The following ANHX variants were observed in gnomAD, a reference collection of about 807,000 sequenced individuals.
The protein encoded by ANHX is anomalous homeobox protein.
ANHX carries 20 observed loss-of-function variants against 38.9 expected under a neutral mutation model. The observed-to-expected ratio is 0.51, with a 90% CI of 0.36 to 0.75. The LOEUF (loss-of-function observed/expected upper bound fraction) is 0.75. Ranked by LOEUF, ANHX falls within the 30% of genes least tolerant of loss-of-function variation. The pLI is 0.00. For synonymous variants in ANHX, 185 were observed against 203.1 expected, an observed-to-expected ratio of 0.91 and a Z score of 0.76; for missense variants, 475 against 493.1, an observed-to-expected ratio of 0.96 and a Z score of 0.35.
chr12:133,231,672 G>A lies in ANHX; in HGVS notation c.250-28C>T, dbSNP rs1957279970. On this transcript the variant is annotated intron_variant, in intron 2 of 9. Coordinates refer to ENST00000545940, the MANE Select transcript of ANHX (RefSeq NM_001372060.1). Reference sequence around the variant, plus strand: ...GCCAAGAAGAGTGTACTGAGCCCTGGCCACCTGCCCACCCTGGAGCACTGT... The same window carrying A: ...GCCAAGAAGAGTGTACTGAGCCCTGACCACCTGCCCACCCTGGAGCACTGT... 2.6e-6 allele frequency: 4 copies of A among 1,535,376 alleles called. No homozygotes were observed. The East Asian group carries it at 7.3e-5, about 28-fold the overall frequency.
intron 2 of ANHX, among the ~76,000 whole-genome samples, chr12:133,233,907 C>T (rs1028298784): frequency 6.6e-6 from 1 of 152,210 alleles, no homozygotes; most frequent in African/African-American, 2.4e-5. Context: ...GATTACCAAA[C>T]TAGTTAGAGC....
At chr12:133,225,993 CA>C (rs36175525) in intron 6 of ANHX, among the ~76,000 whole-genome samples, 165 bp from the exon 7 acceptor site, 24,920 of 152,164 alleles carry the variant, frequency 0.16, 2,626 homozygotes, top group Non-Finnish European at 0.23. Context: ...GTACTAGAAA[CA>C]AACCACAGGG....
At chr12:133,224,442 C>T (rs144298557) in intron 7 of ANHX, among the ~76,000 whole-genome samples, 17 of 149,342 alleles carry the variant, frequency 1.1e-4, no homozygotes, top group African/African-American at 4.0e-4. Flanking sequence ...CGGGTGGATC[C>T]CTTGAGTTCA....
chr12:133,224,837 G>C (rs532991911), intron 7 of ANHX, among the ~76,000 whole-genome samples: 1 of 150,434 alleles, frequency 6.6e-6, no homozygotes, highest in African/African-American at 2.4e-5. Context: ...CGTGGTGGCG[G>C]GCGCCTGTAG....
At chr12:133,228,157 C>A (rs1454767966) in intron 3 of ANHX, among the ~76,000 whole-genome samples, 1 of 152,176 alleles carries the variant, frequency 6.6e-6, no homozygotes, top group Non-Finnish European at 1.5e-5. Context: ...CATCTACAGG[C>A]CACTGTGAGG....
chr12:133,218,954 G>T lies in ANHX; in HGVS notation c.1383C>A (p.Ser461Arg), dbSNP rs1957071813. ...LPSSQVQCSD[S>R]QASGDAFWGA... ...CCCAGAAGGCATCACCAGAGGCCTG[G>T]CTATCAGAACACTGCACCTGGAAGA... The change falls in exon 10 of 10, where the codon AGC becomes AGA. Residue 461 changes from serine to arginine, a missense_variant. Transcript: ENST00000545940. 1 of 1,534,474 alleles carries T rather than the reference G, an allele frequency of 6.5e-7. No individual in the cohort carries two copies. Among genetic ancestry groups the T allele is most frequent in the Admixed American group, 2.0e-5 (1 of 50,908 alleles).
chr12:133,220,063 G>A (rs1418906458), intron 8 of ANHX, among the ~76,000 whole-genome samples: 2 of 152,058 alleles, frequency 1.3e-5, no homozygotes, highest in African/African-American at 4.8e-5. Flanking sequence ...CTTAGTGACA[G>A]AAGCAGATCC....
At chr12:133,225,310 T>TACACACAC (rs555238401) in intron 7 of ANHX, among the ~76,000 whole-genome samples, 10 of 143,800 alleles carry the variant, frequency 7.0e-5, no homozygotes, top group African/African-American at 2.8e-4. Context: ...GTGATATGCA[T>TACACACAC]ACATACACAC....
At chr12:133,232,782 A>G (rs1292440812) in intron 2 of ANHX, among the ~76,000 whole-genome samples, 1 of 151,922 alleles carries the variant, frequency 6.6e-6, no homozygotes, top group East Asian at 1.9e-4. Context: ...TGTTTACTTC[A>G]TTTATTTTGA....
intron 5 of ANHX, 131 bp from the exon 6 acceptor site, chr12:133,226,569 T>C: frequency 7.6e-7 from 1 of 1,322,300 alleles, no homozygotes; most frequent in Non-Finnish European, 1.0e-6. Context: ...TTTTGCTTCT[T>C]GTCCTGTCTT....
chr12:133,223,604 C>T (rs371008801), intron 7 of ANHX, among the ~76,000 whole-genome samples: 2 of 151,888 alleles, frequency 1.3e-5, no homozygotes, highest in East Asian at 1.9e-4. Context: ...ACCACCATGC[C>T]CAGCTGATTT....
chr12:133,218,657 C>G lies in ANHX; in HGVS notation c.*228G>C. 2.5e-6 allele frequency: 1 copy of G among 395,674 alleles called. No individual in the cohort carries two copies. The highest frequency in any genetic ancestry group is 4.5e-6 in the Non-Finnish European group (1 of 221,748). 24.5% of individuals were successfully genotyped at this position (395,674 alleles called of 1,614,324 possible). A position where few individuals can be genotyped will look rare whatever the true frequency, so the allele number is the denominator to read the frequency against. ...AGTGGGACAGACCCACCTTTGACTTCTGATCTCACGAACATTTCTCAAATG... is the reference window on the plus strand; with the variant it reads ...AGTGGGACAGACCCACCTTTGACTTGTGATCTCACGAACATTTCTCAAATG... On this transcript the variant is annotated 3_prime_UTR_variant, in exon 10 of 10. Coordinates refer to ENST00000545940, the MANE Select transcript of ANHX (RefSeq NM_001372060.1).
chr12:133,229,989 C>T (rs1403863668), intron 3 of ANHX, among the ~76,000 whole-genome samples: 1 of 152,220 alleles, frequency 6.6e-6, no homozygotes, highest in African/African-American at 2.4e-5. Context: ...TCACCATACT[C>T]AAGACTCTCC....
intron 8 of ANHX, among the ~76,000 whole-genome samples, chr12:133,219,760 G>A (rs995294278): frequency 6.6e-6 from 1 of 152,150 alleles, no homozygotes; most frequent in East Asian, 1.9e-4. Context: ...CGGCACTCCT[G>A]GGCATGCACC....
intron 4 of ANHX, among the ~76,000 whole-genome samples, chr12:133,227,562 T>C (rs1957206551): frequency 6.6e-6 from 1 of 152,234 alleles, no homozygotes; most frequent in African/African-American, 2.4e-5. Context: ...ATCGTCCTGG[T>C]GCCTGGCACA....
At chr12:133,220,601 A>G (rs1166354721) in intron 8 of ANHX, among the ~76,000 whole-genome samples, 1 of 152,098 alleles carries the variant, frequency 6.6e-6, no homozygotes, top group African/African-American at 2.4e-5. Flanking sequence ...CAACCTGGGG[A>G]TCTGCTCTGC....
rs1593954169 is a variant in ANHX at position 133,221,054 on chromosome 12, G to A, written c.1280+151C>T. Reference sequence around the variant, plus strand: ...AAAAACTACCCTTTTCTTCATAGGTGTAGGCTTGTGGGGACTGTTACAGTT... The same window carrying A: ...AAAAACTACCCTTTTCTTCATAGGTATAGGCTTGTGGGGACTGTTACAGTT... On this transcript the variant is annotated intron_variant, in intron 8 of 9. Transcript: ENST00000545940. This position sits in a 1 kb window ranked among gnomAD's most constrained non-coding sequence, Gnocchi z 4.1. 5 of 1,077,842 alleles carry A rather than the reference G, an allele frequency of 4.6e-6. No homozygotes were observed. Among genetic ancestry groups the A allele is most frequent in the East Asian group, 5.5e-5 (2 of 36,488 alleles). 66.8% of individuals were successfully genotyped at this position (1,077,842 alleles called of 1,614,324 possible). A position where few individuals can be genotyped will look rare whatever the true frequency, so the allele number is the denominator to read the frequency against.
intron 4 of ANHX, 49 bp downstream of exon 4, chr12:133,227,775 G>T: frequency 6.5e-7 from 1 of 1,531,860 alleles, no homozygotes; most frequent in Non-Finnish European, 8.7e-7. Context: ...GGGGGACAGG[G>T]AGGCACCAGG....
At chr12:133,234,051 G>A in intron 2 of ANHX, 57 bp downstream of exon 2, 2 of 1,508,990 alleles carry the variant, frequency 1.3e-6, no homozygotes, top group East Asian at 2.5e-5. Flanking sequence ...ATGGGTGGAG[G>A]CTGCCTAAAG....
Sources: allele counts gnomAD v4.1 joint callset (sites outside exome capture counted in the v4.1 genomes callset), GRCh38; gene constraint gnomAD v4.1.1; non-coding constraint Gnocchi (gnomAD v3.1); transcripts MANE v1.5; gene names NCBI Gene and HGNC (gene_info 2026-07-23, HGNC 2026-07-21).